Variants in CPEB1 observed in about 807,000 individuals in gnomAD.
CPEB1 encodes cytoplasmic polyadenylation element binding protein 1.
Under a neutral mutation model 65.8 loss-of-function variants are expected in CPEB1, and 7 were observed. The ratio of observed to expected loss-of-function variants is 0.11; its 90% CI spans 0.06 to 0.20. The LOEUF (loss-of-function observed/expected upper bound fraction) is 0.20. Among genes scored for constraint, CPEB1 ranks in the 10% least tolerant of loss-of-function variants. The probability of loss-of-function intolerance (pLI) is 1.00; values close to 1 mark genes in which losing one functional copy is unlikely to be tolerated. For synonymous variants in CPEB1, 262 were observed against 260.0 expected (o/e 1.01, Z -0.08); for missense variants, 551 against 712.2 (o/e 0.77, Z 2.58).
chr15:82,614,850 T>A (rs1013591131), intron 3 of CPEB1, among the ~76,000 whole-genome samples: 17 of 102,308 alleles, frequency 1.7e-4, no homozygotes, highest in South Asian at 7.9e-4. Context: ...AAAATATAAG[T>A]GTGTGTGTGT....
At chr15:82,603,211 G>C (rs2043272276) in intron 3 of CPEB1, among the ~76,000 whole-genome samples, 1 of 152,014 alleles carries the variant, frequency 6.6e-6, no homozygotes, top group South Asian at 2.1e-4. Context: ...GGACAAAACA[G>C]TTGGAGCTCA....
chr15:82,648,026 C>T (rs1339874599), upstream of CPEB1: 2 of 520,834 alleles, frequency 3.8e-6, no homozygotes, highest in Non-Finnish European at 5.8e-6. Flanking sequence ...CGGAGCCGCC[C>T]CCCGGCCGGA....
chr15:82,628,279 A>C (rs2045943018), intron 2 of CPEB1, 85 bp downstream of exon 2: 1 of 702,606 alleles, frequency 1.4e-6, no homozygotes, highest in Admixed American at 2.0e-5. Context: ...GGAAATCATG[A>C]AAGAAACTGT....
At chr15:82,580,380 G>T (rs1555456541) in intron 3 of CPEB1, among the ~76,000 whole-genome samples, 1 of 150,820 alleles carries the variant, frequency 6.6e-6, no homozygotes, top group African/African-American at 2.4e-5. Flanking sequence ...CCCTGTTAAA[G>T]AACTGGTTTA....
At chr15:82,547,352 A>C (rs2035427898) in intron 10 of CPEB1, 115 bp from the exon 11 acceptor site, 1 of 603,820 alleles carries the variant, frequency 1.7e-6, no homozygotes. Context: ...GCTGGTGTGC[A>C]GTGGCGCAAT....
intron 3 of CPEB1, among the ~76,000 whole-genome samples, chr15:82,621,621 A>G (rs1017470931): frequency 1.6e-4 from 11 of 68,814 alleles, no homozygotes; most frequent in Admixed American, 5.8e-4. Flanking sequence ...TCCATCTCAG[A>G]AAAAAAAAAA....
chr15:82,570,601 A>C (rs1396323531), intron 4 of CPEB1, among the ~76,000 whole-genome samples: 2 of 152,098 alleles, frequency 1.3e-5, no homozygotes, highest in Non-Finnish European at 2.9e-5. Flanking sequence ...AAGCAGAAGC[A>C]ATTTAAGGGG....
intron 6 of CPEB1, among the ~76,000 whole-genome samples, chr15:82,554,934 A>G (rs943929379): frequency 2.6e-5 from 4 of 152,246 alleles, no homozygotes; most frequent in Admixed American, 1.3e-4. Context: ...GAGAAAGTAC[A>G]AAGATGGGTT....
intron 5 of CPEB1, among the ~76,000 whole-genome samples, chr15:82,556,801 T>C (rs1346386218): frequency 2.0e-5 from 3 of 152,212 alleles, no homozygotes; most frequent in Admixed American, 1.3e-4. Flanking sequence ...GAGACCCGCA[T>C]GTGACTGCCC....
intron 1 of CPEB1, chr15:82,629,362 A>C (rs1237891871): frequency 2.0e-6 from 2 of 984,912 alleles, no homozygotes; most frequent in Non-Finnish European, 2.4e-6. Flanking sequence ...AAGTTATACA[A>C]CTCTATGTGG....
At chr15:82,591,977 G>A (rs933325496) in intron 3 of CPEB1, among the ~76,000 whole-genome samples, 6 of 151,390 alleles carry the variant, frequency 4.0e-5, no homozygotes, top group Non-Finnish European at 7.4e-5. Flanking sequence ...CTAATTAGCT[G>A]AAGCTACAGG....
At chr15:82,547,861 C>A (rs982304795) in intron 10 of CPEB1, among the ~76,000 whole-genome samples, 3 of 151,878 alleles carry the variant, frequency 2.0e-5, no homozygotes, top group African/African-American at 7.3e-5. Flanking sequence ...TTTGTAGAGA[C>A]AGGGTTTCAC....
At chr15:82,580,161 A>G (rs1369782605) in intron 3 of CPEB1, among the ~76,000 whole-genome samples, 2 of 151,252 alleles carry the variant, frequency 1.3e-5, no homozygotes, top group Non-Finnish European at 2.9e-5. Context: ...CTCTACTAAA[A>G]ATACTAAAAA....
At chr15:82,567,635 CA>C (rs562699626) in intron 4 of CPEB1, among the ~76,000 whole-genome samples, 27 of 140,824 alleles carry the variant, frequency 1.9e-4, no homozygotes, top group East Asian at 4.1e-4. Flanking sequence ...GACTCCATCT[CA>C]AAAAAAAAAA....
chr15:82,639,704 C>T (rs1344803927), intron 1 of CPEB1, among the ~76,000 whole-genome samples: 2 of 152,092 alleles, frequency 1.3e-5, no homozygotes, highest in Non-Finnish European at 2.9e-5. Flanking sequence ...CCCACCATTC[C>T]CAGAACTGAG....
intron 3 of CPEB1, among the ~76,000 whole-genome samples, chr15:82,616,523 A>G (rs1366413004): frequency 6.6e-6 from 1 of 150,754 alleles, no homozygotes; most frequent in Non-Finnish European, 1.5e-5. Context: ...ATTATTTTAC[A>G]TTCCTCTTTT....
chr15:82,636,352 A>G (rs2046659035), intron 1 of CPEB1, among the ~76,000 whole-genome samples: 1 of 152,162 alleles, frequency 6.6e-6, no homozygotes, highest in Non-Finnish European at 1.5e-5. Flanking sequence ...CTTCAAGTCT[A>G]TCTTACCCTG....
intron 6 of CPEB1, among the ~76,000 whole-genome samples, chr15:82,554,617 AGTCTTCAATCCT>A (rs1267906631): frequency 1.3e-5 from 2 of 152,202 alleles, no homozygotes; most frequent in Non-Finnish European, 2.9e-5. Context: ...GTAATGAATC[AGTCTTCAATCCT>A]GTCCCCACTG....
At chr15:82,641,368 G>T (rs888359686) in intron 1 of CPEB1, among the ~76,000 whole-genome samples, 4 of 152,172 alleles carry the variant, frequency 2.6e-5, no homozygotes, top group Non-Finnish European at 5.9e-5. Context: ...AGTAGTAAGA[G>T]ATTAAGTGTT....
Sources: allele counts gnomAD v4.1 joint callset (sites outside exome capture counted in the v4.1 genomes callset), GRCh38; gene constraint gnomAD v4.1.1; transcripts MANE v1.5; gene names NCBI Gene and HGNC (gene_info 2026-07-23, HGNC 2026-07-21).